The following OPCML variants were observed in gnomAD, a reference collection of about 807,000 sequenced individuals.
OPCML encodes the protein opioid binding protein/cell adhesion molecule like.
A neutral mutation model predicts 37.8 loss-of-function variants in OPCML; 13 were observed. The observed-to-expected ratio is 0.34, with a 90% confidence interval of 0.22 to 0.55. OPCML has a LOEUF of 0.55. OPCML is among the 20% of genes least tolerant of loss of function. The pLI is 0.91. For synonymous variants in OPCML, 176 were observed against 168.8 expected, an observed-to-expected ratio of 1.04 and a Z score of -0.33; for missense variants, 341 against 435.6, an observed-to-expected ratio of 0.78 and a Z score of 1.93.
At chr11:132,982,952 C>G (rs1354351036) in intron 1 of OPCML, among the ~76,000 whole-genome samples, 1 of 152,180 alleles carries the variant, frequency 6.6e-6, no homozygotes, top group Non-Finnish European at 1.5e-5. Flanking sequence ...TGTTCCCAGC[C>G]TGGGTAATGT....
intron 1 of OPCML, among the ~76,000 whole-genome samples, chr11:133,024,017 T>C (rs569199943): frequency 6.6e-6 from 1 of 152,200 alleles, no homozygotes; most frequent in Non-Finnish European, 1.5e-5. Context: ...GAGCTAATTG[T>C]TGCGCAGAAA....
intron 3 of OPCML, among the ~76,000 whole-genome samples, chr11:132,546,988 T>C (rs1189193384): frequency 2.0e-5 from 3 of 152,170 alleles, no homozygotes; most frequent in Non-Finnish European, 2.9e-5. Flanking sequence ...GCCTAATAAT[T>C]AGTCTCTGCA....
rs555726038 is a variant in OPCML, at chr11:132,628,645, C to G, written c.379+28442G>C. Among the ~76,000 whole-genome samples, 14 of 152,200 alleles carry G rather than the reference C, an allele frequency of 9.2e-5. No individual in the cohort carries two copies. The South Asian group carries it at 2.5e-3, about 27-fold the overall frequency. ...GCCCTGATTACCCTAGGGCCAGGTACCAGATAATTACACCCTTACACCACC... is the reference window on the plus strand; with the variant it reads ...GCCCTGATTACCCTAGGGCCAGGTAGCAGATAATTACACCCTTACACCACC... On this transcript the variant is annotated intron_variant, in intron 3 of 7. Transcript: ENST00000524381.
chr11:133,477,654 C>G (rs1947273440), intron 1 of OPCML, among the ~76,000 whole-genome samples: 1 of 152,162 alleles, frequency 6.6e-6, no homozygotes, highest in African/African-American at 2.4e-5. Context: ...CTGGGATGTC[C>G]TTGGCAGGAA....
chr11:133,034,124 G>A (rs895159333), intron 1 of OPCML, among the ~76,000 whole-genome samples: 1 of 152,152 alleles, frequency 6.6e-6, no homozygotes, highest in African/African-American at 2.4e-5. Context: ...TGAGAAAGAG[G>A]CTGAGGGGAT....
At chr11:133,404,135 G>A (rs1945474457) in intron 1 of OPCML, among the ~76,000 whole-genome samples, 1 of 151,120 alleles carries the variant, frequency 6.6e-6, no homozygotes, top group Non-Finnish European at 1.5e-5. Context: ...TCCGGCCTCA[G>A]TCTTCACACG....
intron 1 of OPCML, among the ~76,000 whole-genome samples, chr11:132,969,693 C>T (rs912052176): frequency 1.3e-5 from 2 of 152,126 alleles, no homozygotes; most frequent in Non-Finnish European, 2.9e-5. Flanking sequence ...AAGTTTATTA[C>T]TGAGCCCCTC....
intron 2 of OPCML, among the ~76,000 whole-genome samples, chr11:132,788,596 T>C (rs1410397100): frequency 6.6e-6 from 1 of 152,198 alleles, no homozygotes. Flanking sequence ...ATCAGCATCA[T>C]GTGATATCAT....
chr11:132,419,207 T>C lies in OPCML; in HGVS notation c.*986A>G, dbSNP rs998348991. On this transcript the variant is annotated 3_prime_UTR_variant, in exon 8 of 8. Transcript: ENST00000524381. ...GAGATACAATATGGTTAGAGATTCA[T>C]ATGGGGATGAATTGATAGTGAGTAG... The C allele has an allele frequency of 1.3e-5, 2 of 152,258 alleles. No individual in the cohort carries two copies. The highest frequency in any genetic ancestry group is 2.1e-4 in the South Asian group (1 of 4,832). 9.4% of individuals were successfully genotyped at this position (152,258 alleles called of 1,614,324 possible). A position where few individuals can be genotyped will look rare whatever the true frequency, so the allele number is the denominator to read the frequency against.
intron 1 of OPCML, among the ~76,000 whole-genome samples, chr11:133,310,876 G>T (rs1943052988): frequency 6.6e-6 from 1 of 152,278 alleles, no homozygotes; most frequent in Middle Eastern, 3.4e-3. Flanking sequence ...CAAATATTCT[G>T]CTAACATACT....
chr11:133,463,116 G>T (rs1388611177), intron 1 of OPCML, among the ~76,000 whole-genome samples: 1 of 106,702 alleles, frequency 9.4e-6, no homozygotes, highest in African/African-American at 5.5e-5. Flanking sequence ...ATGACATCAG[G>T]CTCAAAAAAA....
At chr11:133,057,272 C>T (rs1948257526) in intron 1 of OPCML, among the ~76,000 whole-genome samples, 1 of 152,198 alleles carries the variant, frequency 6.6e-6, no homozygotes, top group Non-Finnish European at 1.5e-5. Flanking sequence ...CTTACATAAC[C>T]TCTGTTGCCA....
At chr11:132,800,608 T>C (rs1938586087) in intron 2 of OPCML, among the ~76,000 whole-genome samples, 1 of 152,180 alleles carries the variant, frequency 6.6e-6, no homozygotes, top group Non-Finnish European at 1.5e-5. Context: ...CTTGAGTGTT[T>C]TTATTATAAA....
chr11:133,400,198 G>T (rs997618279), intron 1 of OPCML, among the ~76,000 whole-genome samples: 1 of 152,158 alleles, frequency 6.6e-6, no homozygotes, highest in Non-Finnish European at 1.5e-5. Flanking sequence ...CTCAAGTGAG[G>T]AAGTTATTGA....
intron 2 of OPCML, among the ~76,000 whole-genome samples, chr11:132,870,590 T>C (rs1942758429): frequency 1.3e-5 from 2 of 152,186 alleles, no homozygotes; most frequent in Non-Finnish European, 2.9e-5. Context: ...GTCGAAGAGA[T>C]GTCTGCCCTC....
chr11:132,947,472 C>T (rs1238784119), intron 1 of OPCML, among the ~76,000 whole-genome samples: 4 of 152,172 alleles, frequency 2.6e-5, no homozygotes, highest in African/African-American at 7.2e-5. Context: ...AGTGAATAAA[C>T]GGGCTCAACT....
intron 1 of OPCML, chr11:133,420,597 T>C: frequency 1.0e-6 from 1 of 985,242 alleles, no homozygotes; most frequent in Non-Finnish European, 1.2e-6. Context: ...AACATTATTA[T>C]TTATCACTAT....
intron 1 of OPCML, among the ~76,000 whole-genome samples, chr11:133,227,807 T>C (rs1184363490): frequency 6.6e-6 from 1 of 152,124 alleles, no homozygotes; most frequent in African/African-American, 2.4e-5. Flanking sequence ...GAGCTGCAGT[T>C]ACAGTCTCCT....
At chr11:133,167,231 C>T (rs999807525) in intron 1 of OPCML, among the ~76,000 whole-genome samples, 2 of 152,080 alleles carry the variant, frequency 1.3e-5, no homozygotes, top group African/African-American at 4.8e-5. Context: ...CTTTGCTTCC[C>T]TCATCATCAT....
Sources: allele counts gnomAD v4.1 joint callset (sites outside exome capture counted in the v4.1 genomes callset), GRCh38; gene constraint gnomAD v4.1.1; transcripts MANE v1.5; gene names NCBI Gene and HGNC (gene_info 2026-07-23, HGNC 2026-07-21).